MAOB: variants seen among roughly 807,000 people sequenced by gnomAD.
MAOB encodes monoamine oxidase B.
In MAOB, 15 loss-of-function variants were observed where a neutral mutation model predicts 41.9. The ratio of observed to expected loss-of-function variants is 0.36; its 90% confidence interval spans 0.24 to 0.55. The LOEUF is 0.55. Among genes scored for constraint, MAOB ranks in the 20% least tolerant of loss-of-function variants. The pLI, the probability that MAOB is intolerant of heterozygous loss-of-function variation, is 0.86. For synonymous variants in MAOB, 167 were observed against 144.2 expected (o/e 1.16, Z -1.13); for missense variants, 345 against 398.7 (o/e 0.87, Z 1.15).
At chrX:43,815,621 G>A (rs775399364) in intron 3 of MAOB, among the ~76,000 whole-genome samples, 2 of 112,138 alleles carry the variant, frequency 1.8e-5, no homozygotes, top group African/African-American at 6.5e-5. Context: ...CATACATATA[G>A]ATAATATAAC....
At chrX:43,769,818 T>C (rs1233722369) in intron 12 of MAOB, among the ~76,000 whole-genome samples, 1 of 111,366 alleles carries the variant, frequency 9.0e-6, no homozygotes, top group Non-Finnish European at 1.9e-5. Flanking sequence ...GCAAATCACT[T>C]ACTCTCACTG....
At chrX:43,814,605 T>C (rs891811627) in intron 3 of MAOB, among the ~76,000 whole-genome samples, 1 of 111,651 alleles carries the variant, frequency 9.0e-6, no homozygotes, top group Non-Finnish European at 1.9e-5. Flanking sequence ...ATGTCTTCCC[T>C]CTCCAGCTAT....
intron 3 of MAOB, among the ~76,000 whole-genome samples, chrX:43,813,412 G>A (rs2034771469): frequency 8.9e-6 from 1 of 112,172 alleles, no homozygotes; most frequent in African/African-American, 3.2e-5. Context: ...TGTAGGTAGA[G>A]CTCACGTTCT....
intron 6 of MAOB, among the ~76,000 whole-genome samples, chrX:43,796,113 C>G (rs939005684): frequency 4.5e-5 from 5 of 111,904 alleles, no homozygotes; most frequent in Admixed American, 1.9e-4. Context: ...TTCCCAGACT[C>G]CAACCTTAGC....
At chrX:43,856,087 CT>C (rs1383542247) in intron 1 of MAOB, among the ~76,000 whole-genome samples, 5 of 110,838 alleles carry the variant, frequency 4.5e-5, no homozygotes, top group African/African-American at 9.8e-5. Context: ...CAGCGTTCAA[CT>C]TTTTTTTTCT....
intron 3 of MAOB, among the ~76,000 whole-genome samples, chrX:43,829,109 C>T (rs375511393): frequency 2.7e-5 from 3 of 112,000 alleles, no homozygotes; most frequent in African/African-American, 9.7e-5. Flanking sequence ...CTGCCCTTAA[C>T]ATTTGCCAAC....
chrX:43,794,059 T>C (rs1446099431), intron 7 of MAOB, among the ~76,000 whole-genome samples: 1 of 111,669 alleles, frequency 9.0e-6, no homozygotes, highest in East Asian at 2.8e-4. Context: ...GTATTTTTAG[T>C]AAAGACAGGG....
chrX:43,775,700 G>T (rs1011363852), intron 11 of MAOB, among the ~76,000 whole-genome samples: 1 of 111,949 alleles, frequency 8.9e-6, no homozygotes, highest in Non-Finnish European at 1.9e-5. Context: ...TGTTTTGGTG[G>T]AGGTGAGCTT....
chrX:43,813,131 G>T (rs1372736303), intron 3 of MAOB, among the ~76,000 whole-genome samples: 1 of 112,086 alleles, frequency 8.9e-6, no homozygotes. Context: ...ACTAGTATGT[G>T]GCAGCAGGAT....
chrX:43,872,191 T>C (rs1366584732), intron 1 of MAOB, among the ~76,000 whole-genome samples: 1 of 112,144 alleles, frequency 8.9e-6, no homozygotes, highest in African/African-American at 3.2e-5. Context: ...ATGTTCCCAG[T>C]AGATAATGGT....
intron 1 of MAOB, among the ~76,000 whole-genome samples, chrX:43,881,245 T>C (rs1283664626): frequency 8.8e-6 from 1 of 113,442 alleles, no homozygotes; most frequent in Non-Finnish European, 1.9e-5. Context: ...AACTCTGTCC[T>C]GCCCTCCTGG....
At chrX:43,822,982 A>G (rs890209699) in intron 3 of MAOB, among the ~76,000 whole-genome samples, 2 of 109,439 alleles carry the variant, frequency 1.8e-5, no homozygotes, top group African/African-American at 6.7e-5. Context: ...ATTTTTATTT[A>G]TCTCCCTCAA....
In MAOB at chrX:43,778,684, C is replaced by G. The variant is rs1330558368; in HGVS notation, c.1135G>C (p.Glu379Gln). 1 of 1,206,167 alleles carries G rather than the reference C, an allele frequency of 8.3e-7. No homozygotes were observed. The part of the protein sequence containing the change: ...AKVLGSLEAL[E>Q]PVHYEEKNWC... Reference sequence around the variant, plus strand: ...ATAGGGTTGGGAAGCAGCCTTACCTCCAGAGCTTCTAGGGAACCCAGAACC... The same window carrying G: ...ATAGGGTTGGGAAGCAGCCTTACCTGCAGAGCTTCTAGGGAACCCAGAACC... The change falls in exon 11 of 15, where the codon GAG becomes CAG. Residue 379 changes from glutamate (E) to glutamine (Q), a missense_variant and splice_region_variant. Coordinates refer to ENST00000378069, the MANE Select transcript of MAOB (RefSeq NM_000898.5).
At chrX:43,848,487 A>G (rs1214663523) in intron 1 of MAOB, among the ~76,000 whole-genome samples, 1 of 110,526 alleles carries the variant, frequency 9.0e-6, no homozygotes, top group Non-Finnish European at 1.9e-5. Flanking sequence ...GGTAAACTAT[A>G]TAGGCATTCC....
In MAOB at chrX:43,767,426, T is replaced by C. The variant is rs762675192; in HGVS notation, c.*40A>G. On this transcript the variant is annotated 3_prime_UTR_variant, in exon 15 of 15. Coordinates refer to ENST00000378069, the MANE Select transcript of MAOB (RefSeq NM_000898.5). ...TCTTTCCCCAAACTCATATCCCAAATACAGTAAGAAGAGAGTGTGATTACA... is the reference window on the plus strand; with the variant it reads ...TCTTTCCCCAAACTCATATCCCAAACACAGTAAGAAGAGAGTGTGATTACA... 63 of 1,164,479 alleles carry C rather than the reference T, an allele frequency of 5.4e-5. No homozygotes were observed. The highest frequency in any genetic ancestry group is 4.4e-5 in the Non-Finnish European group (38 of 863,721).
chrX:43,772,077 C>T (rs894485729), intron 12 of MAOB, among the ~76,000 whole-genome samples: 5 of 111,771 alleles, frequency 4.5e-5, no homozygotes, highest in Admixed American at 9.5e-5. Flanking sequence ...ACTGGTAATT[C>T]TGTCTTCTCT....
chrX:43,881,839 G>A (rs938170713), intron 1 of MAOB, among the ~76,000 whole-genome samples: 1 of 112,305 alleles, frequency 8.9e-6, no homozygotes, highest in Non-Finnish European at 1.9e-5. Flanking sequence ...TTTTCCTGAC[G>A]CCAGGACAAC....
chrX:43,818,162 C>T (rs988869671), intron 3 of MAOB, among the ~76,000 whole-genome samples: 3 of 112,307 alleles, frequency 2.7e-5, no homozygotes, highest in African/African-American at 9.7e-5. Context: ...CTTAGCATAT[C>T]TTCAACGTTC....
intron 3 of MAOB, among the ~76,000 whole-genome samples, chrX:43,821,643 C>T (rs2034881985): frequency 9.0e-6 from 1 of 111,346 alleles, no homozygotes; most frequent in South Asian, 3.8e-4. Context: ...AGATTTTTCT[C>T]AAAACAAGTT....
Sources: gnomAD v4.1 joint callset for allele counts (sites outside exome capture counted in the v4.1 genomes callset) on GRCh38, gnomAD v4.1.1 for gene constraint, MANE v1.5 for transcripts, NCBI Gene and HGNC (gene_info 2026-07-23, HGNC 2026-07-21) for gene names.